PRAMEF19: variants seen among roughly 807,000 people sequenced by gnomAD.
PRAMEF19 encodes the protein PRAME family member 19.
Under a neutral mutation model 33.1 loss-of-function variants are expected in PRAMEF19, and 21 were observed. The ratio of observed to expected loss-of-function variants is 0.63; its 90% CI spans 0.45 to 0.91. The LOEUF is 0.91. PRAMEF19 is among the 40% of genes least tolerant of loss of function. The probability of loss-of-function intolerance (pLI) is 0.00; values close to 1 mark genes in which losing one functional copy is unlikely to be tolerated. For synonymous variants in PRAMEF19, 179 were observed against 229.3 expected (o/e 0.78, Z 1.98); for missense variants, 481 against 585.2 (o/e 0.82, Z 1.84).
chr1:13,370,059 G>T (rs1432736819), intron 2 of PRAMEF19, among the ~76,000 whole-genome samples: 589 of 150,704 alleles, frequency 3.9e-3, no homozygotes, highest in African/African-American at 0.014. Context: ...TACCACTCTC[G>T]TGCCTACTCC....
chr1:13,368,975 T>A, downstream of PRAMEF19: 2 of 1,544,270 alleles, frequency 1.3e-6, no homozygotes, highest in Non-Finnish European at 1.8e-6. Context: ...TGTAAAATTG[T>A]AAAATAAGGA....
chr1:13,371,555 G>C (rs1640672589), intron 1 of PRAMEF19, 59 bp downstream of exon 1: 1 of 1,610,030 alleles, frequency 6.2e-7, no homozygotes. Flanking sequence ...TTCCCAATTT[G>C]TCTGACCCAG....
chr1:13,369,452 T>C, exon 3 of PRAMEF19: 1 of 1,613,924 alleles, frequency 6.2e-7, no homozygotes, highest in East Asian at 2.2e-5. Flanking sequence ...GAAGAGGGTC[T>C]GAAGAGTGGC....
intron 2 of PRAMEF19, among the ~76,000 whole-genome samples, chr1:13,370,416 C>T (rs1342917938): frequency 1.3e-5 from 2 of 152,238 alleles, no homozygotes; most frequent in African/African-American, 2.4e-5. Flanking sequence ...AACCAGCTCC[C>T]TACACGATGT....
exon 1 of PRAMEF19, chr1:13,371,619 G>T: frequency 6.2e-7 from 1 of 1,610,824 alleles, no homozygotes; most frequent in Non-Finnish European, 8.5e-7. Flanking sequence ...CTCACCTGGG[G>T]CGAACCTTTT....
At position 13,371,637 on chromosome 1, in the gene PRAMEF19, C is replaced by T. The variant is rs1429051568; in HGVS notation, c.264G>A (p.Leu88=). 1.2e-4 allele frequency: 189 copies of T among 1,610,710 alleles called. 1 individual carries two copies. The highest frequency in any genetic ancestry group is 6.6e-4 in the South Asian group (60 of 90,936). Reference sequence around the variant, plus strand: ...ACCTGGGGCGAACCTTTTGGGCAAGCAGGCAATCAATCCCATCCACTACAT... The same window carrying T: ...ACCTGGGGCGAACCTTTTGGGCAAGTAGGCAATCAATCCCATCCACTACAT... The change falls in exon 1 of 3, where the codon CTG becomes CTA. Residue 88 remains leucine, a synonymous_variant. Coordinates refer to ENST00000376101, the Ensembl canonical transcript of PRAMEF19.
exon 2 of PRAMEF19, chr1:13,370,894 G>A: frequency 1.2e-6 from 2 of 1,613,904 alleles, no homozygotes; most frequent in South Asian, 2.2e-5. Flanking sequence ...CCAATACTTG[G>A]ATACTGTCTG....
chr1:13,370,595 A>G (rs1640657736), intron 2 of PRAMEF19, 54 bp downstream of exon 2: 1 of 1,609,338 alleles, frequency 6.2e-7, no homozygotes, highest in African/African-American at 1.3e-5. Flanking sequence ...TGTTTACTGT[A>G]ACAAAAAAAG....
intron 2 of PRAMEF19, 114 bp downstream of exon 2, chr1:13,370,534 TC>T: frequency 7.3e-7 from 1 of 1,363,328 alleles, no homozygotes; most frequent in Non-Finnish European, 1.0e-6. Context: ...CATTCTAGTA[TC>T]CCCTTCCCTG....
At chr1:13,368,458 A>G (rs1422098264), downstream of PRAMEF19, among the ~76,000 whole-genome samples, 3 of 152,228 alleles carry the variant, frequency 2.0e-5, no homozygotes, top group Non-Finnish European at 4.4e-5. Context: ...TGATTCCTTT[A>G]TTTCCTGCGG....
At chr1:13,370,855 C>A in exon 2 of PRAMEF19, 2 of 1,613,936 alleles carry the variant, frequency 1.2e-6, no homozygotes, top group Non-Finnish European at 1.7e-6. Flanking sequence ...CCTCTGCTAC[C>A]ATACACGGCC....
At chr1:13,370,910 A>G (rs1640663548) in exon 2 of PRAMEF19, 1 of 1,613,920 alleles carries the variant, frequency 6.2e-7, no homozygotes, top group South Asian at 1.1e-5. Context: ...GTCTGGGTAT[A>G]CTGTTTCTAA....
chr1:13,370,798 G>A, exon 2 of PRAMEF19: 1 of 1,613,946 alleles, frequency 6.2e-7, no homozygotes, highest in East Asian at 2.2e-5. Flanking sequence ...AGCCATCGGA[G>A]ATGAAGAGTT....
exon 1 of PRAMEF19, chr1:13,371,768 T>C: frequency 6.2e-7 from 1 of 1,611,110 alleles, no homozygotes; most frequent in Non-Finnish European, 8.5e-7. Context: ...CATCTGCTAG[T>C]GAAGGCCTCC....
chr1:13,371,947 G>A (rs1366809096), upstream of PRAMEF19: 2 of 1,611,616 alleles, frequency 1.2e-6, no homozygotes, highest in Non-Finnish European at 1.7e-6. Context: ...AAACTTATCA[G>A]GCCAGTCCTC....
chr1:13,369,204 C>T, exon 3 of PRAMEF19: 1 of 1,611,990 alleles, frequency 6.2e-7, no homozygotes, highest in South Asian at 1.1e-5. Context: ...ATCAGCTCAG[C>T]CTGAAGTGGG....
At chr1:13,370,822 C>T in exon 2 of PRAMEF19, 1 of 1,614,004 alleles carries the variant, frequency 6.2e-7, no homozygotes, top group Non-Finnish European at 8.5e-7. Context: ...GAAGATTCTT[C>T]ATCTGGCTCA....
chr1:13,370,835 T>C lies in PRAMEF19; in HGVS notation c.680A>G (p.Tyr227Cys), dbSNP rs1169376272. ...TCGAAGATTCTTCATCTGGCTCAGG[T>C]AACGGCTAACCTCTGCTACCATACA... The change falls in exon 2 of 3, where the codon TAC becomes TGC. Residue 227 changes from tyrosine to cysteine, a missense_variant. By Grantham distance (194) the Tyr-to-Cys change is radical. This residue lies in a region of PRAMEF19 where 392 missense variants were observed against 397.5 expected (regional missense o/e 0.99). Transcript: ENST00000376101. 3.7e-6 allele frequency: 6 copies of C among 1,613,962 alleles called. No individual in the cohort carries two copies. In the Admixed American group the frequency reaches 1.0e-4, roughly 27 times the overall value.
At chr1:13,370,709 A>G (rs2100383378) in exon 2 of PRAMEF19, 2 of 1,613,912 alleles carry the variant, frequency 1.2e-6, no homozygotes, top group African/African-American at 2.7e-5. Flanking sequence ...AAGCATCTGG[A>G]GGTACTCCAG....
Sources: gnomAD v4.1 joint callset for allele counts (sites outside exome capture counted in the v4.1 genomes callset) on GRCh38, gnomAD v4.1.1 for gene constraint, gnomAD v4.1.1 regional missense constraint, MANE v1.5 for transcripts, NCBI Gene and HGNC (gene_info 2026-07-23, HGNC 2026-07-21) for gene names.